The following IER3IP1 variants were observed in gnomAD, a reference collection of about 807,000 sequenced individuals.
The protein encoded by IER3IP1 is immediate early response 3 interacting protein 1.
A neutral mutation model predicts 12.2 loss-of-function variants in IER3IP1; 16 were observed. The observed-to-expected ratio is 1.31, with a 90% CI of 0.89 to 1.99. The LOEUF (loss-of-function observed/expected upper bound fraction) is 1.99, where lower values mean the gene tolerates loss of function less well. Ranked by LOEUF, IER3IP1 falls within the 30% of genes most tolerant of loss-of-function variation. IER3IP1 has a pLI of 0.00. For synonymous variants in IER3IP1, 42 were observed against 40.0 expected, an observed-to-expected ratio of 1.05 and a Z score of -0.19; for missense variants, 95 against 95.8, an observed-to-expected ratio of 0.99 and a Z score of 0.03.
At chr18:47,171,970 C>T (rs1442255845) in intron 1 of IER3IP1, among the ~76,000 whole-genome samples, 5 of 151,928 alleles carry the variant, frequency 3.3e-5, no homozygotes, top group Admixed American at 2.0e-4. Flanking sequence ...TTAGTAGAGA[C>T]GGGGTTTCTC....
rs2063954977 is a variant in IER3IP1 at position 47,155,431 on chromosome 18, T to C, written c.*746A>G. On this transcript the variant is annotated 3_prime_UTR_variant, in exon 3 of 3. Transcript: ENST00000256433. ...CTCTTGTGGGCTAATATTTACGCTG[T>C]TGTTTTTTTTAAATCATCATTGTAA... 1 of 151,882 alleles carries C rather than the reference T, an allele frequency of 6.6e-6. No individual in the cohort carries two copies. Among genetic ancestry groups the C allele is most frequent in the East Asian group, 1.9e-4 (1 of 5,196 alleles). 9.4% of individuals were successfully genotyped at this position (151,882 alleles called of 1,614,324 possible).
intron 1 of IER3IP1, among the ~76,000 whole-genome samples, chr18:47,162,652 T>C (rs2063983462): frequency 1.3e-5 from 2 of 151,344 alleles, no homozygotes; most frequent in Admixed American, 1.3e-4. Flanking sequence ...GGAGTATAAA[T>C]CTGTCAAAAT....
intron 1 of IER3IP1, among the ~76,000 whole-genome samples, chr18:47,170,245 A>G (rs1448329017): frequency 1.3e-5 from 2 of 152,098 alleles, no homozygotes; most frequent in African/African-American, 4.8e-5. Flanking sequence ...TGGACTTTAA[A>G]TTCTATTTCA....
At chr18:47,157,140 C>T in intron 2 of IER3IP1, 1 of 363,524 alleles carries the variant, frequency 2.8e-6, no homozygotes, top group South Asian at 3.2e-5. Flanking sequence ...AACTTGGAAA[C>T]AACAGTTTCC....
chr18:47,166,982 C>T (rs2063997958), intron 1 of IER3IP1, among the ~76,000 whole-genome samples: 1 of 151,786 alleles, frequency 6.6e-6, no homozygotes, highest in Admixed American at 6.6e-5. Context: ...GTAGAGAAGA[C>T]AAAATGTGGA....
At chr18:47,164,899 A>T (rs988631384) in intron 1 of IER3IP1, among the ~76,000 whole-genome samples, 5 of 152,212 alleles carry the variant, frequency 3.3e-5, no homozygotes, top group African/African-American at 9.6e-5. Flanking sequence ...TTGCTGCCTT[A>T]ATTTCAGAAA....
Position 47,176,345 on chromosome 18 carries a change from C to T in IER3IP1, c.-68G>A, listed in dbSNP as rs1245900918. The T allele has an allele frequency of 2.8e-6, 4 of 1,404,832 alleles. No homozygotes were observed. Among genetic ancestry groups the T allele is most frequent in the Admixed American group, 3.9e-5 (2 of 51,316 alleles). 87.0% of individuals were successfully genotyped at this position (1,404,832 alleles called of 1,614,324 possible). Reference sequence around the variant, plus strand: ...GCCGCCGCAAGGGACGTGGCGCCTCCACGGCCGGCGCCTTCCTACGGAAGC... The same window carrying T: ...GCCGCCGCAAGGGACGTGGCGCCTCTACGGCCGGCGCCTTCCTACGGAAGC... On this transcript the variant is annotated 5_prime_UTR_variant, in exon 1 of 3. Transcript: ENST00000256433.
rs553378864 is a variant in IER3IP1, at chr18:47,156,242, GA to G, written c.194-11del. The G allele has an allele frequency of 7.7e-4, 1,066 of 1,388,954 alleles. No individual in the cohort carries two copies. The highest frequency in any genetic ancestry group is 9.7e-4 in the Admixed American group (47 of 48,578). 86.0% of individuals were successfully genotyped at this position (1,388,954 alleles called of 1,614,324 possible). A position where few individuals can be genotyped will look rare whatever the true frequency, so the allele number is the denominator to read the frequency against. On this transcript the variant is annotated splice_polypyrimidine_tract_variant and intron_variant, in intron 2 of 2. Coordinates refer to ENST00000256433, the MANE Select transcript of IER3IP1 (RefSeq NM_016097.5). ...ACTATTATCAATGGCACTGTAAAGA[GA>G]AAAAAAAAAGTTTGTTACTATAAAG...
intron 1 of IER3IP1, among the ~76,000 whole-genome samples, chr18:47,175,707 G>A (rs2064030517): frequency 6.6e-6 from 1 of 151,818 alleles, no homozygotes; most frequent in African/African-American, 2.4e-5. Context: ...ATGATCCGCC[G>A]GCCTCGGCCT....
chr18:47,157,047 C>T (rs1260031750), intron 2 of IER3IP1: 1 of 198,442 alleles, frequency 5.0e-6, no homozygotes, highest in Non-Finnish European at 1.0e-5. Flanking sequence ...CTGCCTTGGC[C>T]TCTCAAAGTG....
intron 2 of IER3IP1, 23 bp downstream of exon 2, chr18:47,157,413 G>T: frequency 6.3e-7 from 1 of 1,578,032 alleles, no homozygotes. Context: ...ACTTAAGAAT[G>T]CTCTATTAGC....
At position 47,153,784 on chromosome 18, in the gene IER3IP1, A is replaced by AAAATTTAGGGTTTTATGG. The variant is rs1472239261; in HGVS notation, c.*2375_*2392dup. The AAAATTTAGGGTTTTATGG allele has an allele frequency of 2.0e-5, 3 of 152,180 alleles. No homozygotes were observed. Among genetic ancestry groups the AAAATTTAGGGTTTTATGG allele is most frequent in the African/African-American group, 4.8e-5 (2 of 41,446 alleles). The allele number at this position is 152,180 out of a possible 1,614,324, so 9.4% of individuals were successfully genotyped here. Reference sequence around the variant, plus strand: ...AAGATACTTTTTAGCTATATTTTTGAAAATTTAGGGTTTTATGGAAATGCC... The same window carrying AAAATTTAGGGTTTTATGG: ...AAGATACTTTTTAGCTATATTTTTGAAAATTTAGGGTTTTATGGAAATTTAGGGTTTTATGGAAATGCC... On this transcript the variant is annotated 3_prime_UTR_variant, in exon 3 of 3. Coordinates refer to ENST00000256433, the MANE Select transcript of IER3IP1 (RefSeq NM_016097.5).
At chr18:47,163,095 A>G (rs551444435) in intron 1 of IER3IP1, among the ~76,000 whole-genome samples, 1 of 152,272 alleles carries the variant, frequency 6.6e-6, no homozygotes, top group South Asian at 2.1e-4. Flanking sequence ...TATATACTAT[A>G]TATATTTTTC....
chr18:47,175,459 T>C (rs772495818), intron 1 of IER3IP1, among the ~76,000 whole-genome samples: 4 of 2,078 alleles, frequency 1.9e-3, no homozygotes, highest in Admixed American at 6.8e-3. Context: ...CCAACTCGTT[T>C]TGTTTTGTTT....
chr18:47,162,487 A>G (rs1438358144), intron 1 of IER3IP1, among the ~76,000 whole-genome samples: 1 of 152,214 alleles, frequency 6.6e-6, no homozygotes, highest in East Asian at 1.9e-4. Context: ...GATAAAAGCC[A>G]TTGTAGCTAT....
At chr18:47,164,903 T>C (rs554714013) in intron 1 of IER3IP1, among the ~76,000 whole-genome samples, 1 of 152,146 alleles carries the variant, frequency 6.6e-6, no homozygotes, top group Non-Finnish European at 1.5e-5. Flanking sequence ...TGCCTTAATT[T>C]CAGAAATAAA....
chr18:47,174,947 T>C (rs2064027196), intron 1 of IER3IP1, among the ~76,000 whole-genome samples: 2 of 152,224 alleles, frequency 1.3e-5, no homozygotes, highest in Admixed American at 6.5e-5. Flanking sequence ...CTTTCGCAGA[T>C]ACACAAGTTA....
intron 2 of IER3IP1, chr18:47,157,114 C>T: frequency 3.1e-6 from 1 of 319,322 alleles, no homozygotes; most frequent in Non-Finnish European, 5.8e-6. Context: ...CCTCCCAATA[C>T]TGTATGTGAT....
chr18:47,158,339 T>A (rs1018925638), intron 1 of IER3IP1, among the ~76,000 whole-genome samples: 2 of 152,048 alleles, frequency 1.3e-5, no homozygotes, highest in African/African-American at 2.4e-5. Flanking sequence ...TCTTTTTTTT[T>A]AAATTGAGAC....
Sources: gnomAD v4.1 joint callset for allele counts (sites outside exome capture counted in the v4.1 genomes callset) on GRCh38, gnomAD v4.1.1 for gene constraint, MANE v1.5 for transcripts, NCBI Gene and HGNC (gene_info 2026-07-23, HGNC 2026-07-21) for gene names.